RBFOX3: variants seen among roughly 807,000 people sequenced by gnomAD.
RBFOX3 encodes RNA binding protein fox-1 homolog 3.
Under a neutral mutation model 48.7 loss-of-function variants are expected in RBFOX3, and 17 were observed. That is an observed-to-expected ratio of 0.35 (90% CI 0.24 to 0.52). The LOEUF is 0.52. Among genes scored for constraint, RBFOX3 ranks in the 20% least tolerant of loss-of-function variants. The probability of loss-of-function intolerance (pLI) is 0.94; values close to 1 mark genes in which losing one functional copy is unlikely to be tolerated. For missense variants in RBFOX3, 382 were observed against 497.5 expected, an observed-to-expected ratio of 0.77 and a Z score of 2.21; for synonymous variants, 212 against 209.5, an observed-to-expected ratio of 1.01 and a Z score of -0.10.
At chr17:79,512,873 G>A (rs140753704) in intron 1 of RBFOX3, among the ~76,000 whole-genome samples, 1,375 of 128,068 alleles carry the variant, frequency 0.011, 8 homozygotes, top group African/African-American at 0.038. Flanking sequence ...ACGCACACCC[G>A]GATACGTATT....
intron 3 of RBFOX3, among the ~76,000 whole-genome samples, chr17:79,272,288 C>T (rs1169886698): frequency 6.6e-6 from 1 of 152,224 alleles, no homozygotes; most frequent in Non-Finnish European, 1.5e-5. Context: ...GAATGAGACC[C>T]TCACATTCTG....
intron 2 of RBFOX3, among the ~76,000 whole-genome samples, chr17:79,398,298 C>T (rs544334556): frequency 7.9e-5 from 12 of 152,216 alleles, no homozygotes; most frequent in East Asian, 5.8e-4. Flanking sequence ...CTGGCCTAGA[C>T]GAGGCTTCAT....
At chr17:79,551,856 T>G (rs2143650412) in intron 1 of RBFOX3, among the ~76,000 whole-genome samples, 1 of 152,340 alleles carries the variant, frequency 6.6e-6, no homozygotes. Context: ...ACGCTTCATG[T>G]ACAGCCTGCT....
the RBFOX3 span, among the ~76,000 whole-genome samples, chr17:79,645,659 G>A: frequency 2.6e-5 from 4 of 152,168 alleles, no homozygotes; most frequent in African/African-American, 9.7e-5. Context: ...CCCATCCCTG[G>A]CATCATCCAG....
At chr17:79,309,269 A>AG (rs1488610867) in intron 2 of RBFOX3, among the ~76,000 whole-genome samples, 1 of 152,084 alleles carries the variant, frequency 6.6e-6, no homozygotes, top group East Asian at 1.9e-4. Context: ...CAGGGCAGGA[A>AG]GGGGGTGTCA....
At chr17:79,384,754 G>A (rs539468212) in intron 2 of RBFOX3, among the ~76,000 whole-genome samples, 3 of 152,346 alleles carry the variant, frequency 2.0e-5, no homozygotes, top group South Asian at 2.1e-4. Context: ...GTCACCTGCC[G>A]TGGAGGAGGA....
At chr17:79,602,729 C>A (rs1404317561) in intron 1 of RBFOX3, among the ~76,000 whole-genome samples, 2 of 152,060 alleles carry the variant, frequency 1.3e-5, no homozygotes, top group Non-Finnish European at 2.9e-5. Context: ...GAACTGAGAT[C>A]CAAAAACATA....
intron 2 of RBFOX3, among the ~76,000 whole-genome samples, chr17:79,453,663 TG>T (rs1555743002): frequency 6.6e-6 from 1 of 151,944 alleles, no homozygotes; most frequent in Non-Finnish European, 1.5e-5. Context: ...GCCAGGCACA[TG>T]GGGTGTGTGT....
intron 1 of RBFOX3, among the ~76,000 whole-genome samples, chr17:79,506,091 T>C (rs2083073314): frequency 6.6e-6 from 1 of 152,188 alleles, no homozygotes; most frequent in Admixed American, 6.5e-5. Flanking sequence ...AACAGAGAAG[T>C]AAGCGTTTGA....
At chr17:79,539,894 T>A (rs1393242293) in intron 1 of RBFOX3, among the ~76,000 whole-genome samples, 2 of 151,646 alleles carry the variant, frequency 1.3e-5, no homozygotes, top group Non-Finnish European at 1.5e-5. Context: ...TTTGTTTGGG[T>A]TTTTAGTGTA....
intron 5 of RBFOX3, among the ~76,000 whole-genome samples, chr17:79,109,826 A>C (rs1254387808): frequency 6.6e-6 from 1 of 152,138 alleles, no homozygotes; most frequent in East Asian, 1.9e-4. Flanking sequence ...CATCCACCCC[A>C]AAGTCCTAAA....
chr17:79,197,392 T>C (rs1410353430), intron 4 of RBFOX3, among the ~76,000 whole-genome samples: 31 of 115,428 alleles, frequency 2.7e-4, no homozygotes, highest in African/African-American at 1.1e-3. Flanking sequence ...TTCTTTCTTT[T>C]TTTTTTTTTT....
intron 2 of RBFOX3, among the ~76,000 whole-genome samples, chr17:79,447,445 C>T (rs1555738988): frequency 2.0e-5 from 3 of 152,210 alleles, no homozygotes; most frequent in East Asian, 1.9e-4. Flanking sequence ...TGTGCCTAAC[C>T]GAGCAGGCAT....
At chr17:79,656,704 GGAAGGA>G in the RBFOX3 span, among the ~76,000 whole-genome samples, 3 of 9,320 alleles carry the variant, frequency 3.2e-4, no homozygotes, top group African/African-American at 4.3e-4. Context: ...AAGGAAGGAA[GGAAGGA>G]GAGAGAGAGA....
intron 4 of RBFOX3, among the ~76,000 whole-genome samples, chr17:79,134,515 C>T (rs565629799): frequency 1.6e-4 from 25 of 152,334 alleles, no homozygotes; most frequent in African/African-American, 5.8e-4. Context: ...GCAGCTGGGA[C>T]ACAGTGAGGT....
In RBFOX3 at chr17:79,551,966, A is replaced by C. The variant is rs940090504; in HGVS notation, c.-320+58860T>G. Reference sequence around the variant, plus strand: ...AATATAATATGCATACAAAGCACCCAAAAATTTTGTTTAAAATGCAGATCC... The same window carrying C: ...AATATAATATGCATACAAAGCACCCCAAAATTTTGTTTAAAATGCAGATCC... On this transcript the variant is annotated intron_variant, in intron 1 of 14. Transcript: ENST00000693108. 3.7e-3 allele frequency among the ~76,000 whole-genome samples: 571 copies of C among 152,342 alleles called. 4 individuals carry two copies. The highest frequency in any genetic ancestry group is 0.028 in the South Asian group (134 of 4,822).
At chr17:79,485,531 C>CT (rs35032909) in intron 1 of RBFOX3, among the ~76,000 whole-genome samples, 70,014 of 151,864 alleles carry the variant, frequency 0.46, 16,968 homozygotes, top group South Asian at 0.58. Context: ...GCTGCTCTTG[C>CT]TCCTCCCCCA....
At chr17:79,128,241 G>A (rs1046841013) in intron 4 of RBFOX3, among the ~76,000 whole-genome samples, 6 of 152,302 alleles carry the variant, frequency 3.9e-5, no homozygotes, top group South Asian at 2.1e-4. Flanking sequence ...GGCTGGGCAC[G>A]TCCTCCTGGC....
rs576341715 is a variant in RBFOX3 at position 79,184,227 on chromosome 17, C to T, written c.-34+51539G>A. Among the ~76,000 whole-genome samples the T allele has an allele frequency of 2.2e-4, 34 of 152,298 alleles. No homozygotes were observed. In the East Asian group the frequency reaches 6.6e-3, roughly 29 times the overall value. On this transcript the variant is annotated intron_variant, in intron 4 of 14. Coordinates refer to ENST00000693108, the MANE Select transcript of RBFOX3 (RefSeq NM_001350451.2). ...GGAGCGTCTCCTGCCCTCCTGCTGG[C>T]CCCCAGACCCCATCATACATCCCAG... is the stretch of plus-strand genomic sequence containing the variant.
Sources: gnomAD v4.1 joint callset for allele counts (sites outside exome capture counted in the v4.1 genomes callset) on GRCh38, gnomAD v4.1.1 for gene constraint, MANE v1.5 for transcripts, NCBI Gene and HGNC (gene_info 2026-07-23, HGNC 2026-07-21) for gene names.